PAPPA: variants seen among roughly 807,000 people sequenced by gnomAD.
PAPPA encodes pappalysin-1.
In PAPPA, 60 loss-of-function variants were observed where a neutral mutation model predicts 164.0. That is an observed-to-expected ratio of 0.37 (90% CI 0.30 to 0.45). The LOEUF is 0.45. Ranked by LOEUF, PAPPA falls within the 20% of genes least tolerant of loss-of-function variation. The pLI is 1.00. For synonymous variants in PAPPA, 875 were observed against 814.1 expected (o/e 1.07, Z -1.27); for missense variants, 1,782 against 2,087.3 (o/e 0.85, Z 2.85).
chr9:116,216,823 C>T (rs1844378585), intron 4 of PAPPA, among the ~76,000 whole-genome samples: 1 of 152,104 alleles, frequency 6.6e-6, no homozygotes, highest in South Asian at 2.1e-4. Flanking sequence ...CTCACTGCAA[C>T]TTCTGCCTCC....
rs1288157400 is a variant in PAPPA, at chr9:116,396,094, A to T, written c.4777-415A>T. 2.0e-5 allele frequency among the ~76,000 whole-genome samples: 3 copies of T among 152,330 alleles called. 1 individual carries two copies. Among genetic ancestry groups the T allele is most frequent in the Admixed American group, 2.0e-4 (3 of 15,306 alleles). On this transcript the variant is annotated intron_variant, in intron 21 of 21. Coordinates refer to ENST00000328252, the MANE Select transcript of PAPPA (RefSeq NM_002581.5). ...CTACATAGGGACCTGAGGCTCTGAG[A>T]TAAGTAAGTAGCTTGTTTTACTTTA...
chr9:116,257,788 C>G (rs1369081026), intron 7 of PAPPA, among the ~76,000 whole-genome samples: 1 of 151,916 alleles, frequency 6.6e-6, no homozygotes, highest in Admixed American at 6.6e-5. Context: ...AGAAAAATTA[C>G]TAAGAATCAA....
chr9:116,316,755 G>C (rs1205761875), intron 10 of PAPPA, among the ~76,000 whole-genome samples: 1 of 152,244 alleles, frequency 6.6e-6, no homozygotes. Context: ...AGTGACTGCT[G>C]TCCACCTGTT....
intron 19 of PAPPA, among the ~76,000 whole-genome samples, chr9:116,369,428 A>T (rs909564462): frequency 6.6e-6 from 1 of 152,206 alleles, no homozygotes; most frequent in African/African-American, 2.4e-5. Context: ...TGGTCCACAC[A>T]GGCAGCACAA....
At chr9:116,267,516 C>T (rs1423369935) in intron 8 of PAPPA, among the ~76,000 whole-genome samples, 1 of 152,186 alleles carries the variant, frequency 6.6e-6, no homozygotes, top group Non-Finnish European at 1.5e-5. Context: ...TTCCTCTTTG[C>T]TCCCCACTCC....
At chr9:116,291,340 G>GA (rs550146121) in intron 9 of PAPPA, among the ~76,000 whole-genome samples, 2 of 151,764 alleles carry the variant, frequency 1.3e-5, no homozygotes, top group South Asian at 2.1e-4. Flanking sequence ...TGTCTCATAG[G>GA]AAAAAAAATA....
intron 17 of PAPPA, among the ~76,000 whole-genome samples, chr9:116,356,828 T>C (rs1846360523): frequency 6.6e-6 from 1 of 152,218 alleles, no homozygotes; most frequent in Non-Finnish European, 1.5e-5. Context: ...AGGATTGTCT[T>C]GGCTATATGG....
chr9:116,347,156 C>T lies in PAPPA; in HGVS notation c.3911C>T (p.Thr1304Ile), dbSNP rs769649101. ...YAASFSCPEG[T>I]TFGSQCSFQC... is the part of the protein sequence containing the mutation. ...GCCTCCTTCTCCTGCCCTGAGGGCACCACCTTTGGCAGTCAATGTTCCTTC... is the reference window on the plus strand; with the variant it reads ...GCCTCCTTCTCCTGCCCTGAGGGCATCACCTTTGGCAGTCAATGTTCCTTC... The change falls in exon 15 of 22, where the codon ACC becomes ATC. Residue 1304 changes from threonine to isoleucine, a missense_variant. Thr to Ile is a moderately conservative substitution (Grantham distance 89). Coordinates refer to ENST00000328252, the MANE Select transcript of PAPPA (RefSeq NM_002581.5). The surrounding 1 kb of genome is among the most constrained non-coding windows in gnomAD (Gnocchi z 4.5). 6.2e-7 allele frequency: 1 copy of T among 1,614,074 alleles called. No homozygotes were observed.
chr9:116,377,534 C>T, intron 19 of PAPPA, 42 bp from the exon 20 acceptor site: 1 of 1,467,044 alleles, frequency 6.8e-7, no homozygotes, highest in Non-Finnish European at 9.6e-7. Context: ...GGGTCCCTCC[C>T]AATCCCAAGC....
chr9:116,166,751 A>G (rs1843723940), intron 1 of PAPPA, among the ~76,000 whole-genome samples: 2 of 152,206 alleles, frequency 1.3e-5, no homozygotes. Flanking sequence ...ACCAATTGCT[A>G]ATGGGTGATG....
At chr9:116,282,563 AG>A (rs1388217641) in intron 9 of PAPPA, among the ~76,000 whole-genome samples, 3 of 152,216 alleles carry the variant, frequency 2.0e-5, no homozygotes, top group African/African-American at 7.2e-5. Flanking sequence ...TAATGCTATG[AG>A]GTAGTTTTAA....
chr9:116,341,512 T>C (rs933661287), intron 13 of PAPPA, among the ~76,000 whole-genome samples: 2 of 152,230 alleles, frequency 1.3e-5, no homozygotes, highest in African/African-American at 4.8e-5. Flanking sequence ...CCCTTCCTCA[T>C]GGATCCTTCT....
intron 9 of PAPPA, among the ~76,000 whole-genome samples, chr9:116,285,171 C>CTTTTTTTTTTTTT: frequency 3.8e-4 from 34 of 89,482 alleles, no homozygotes; most frequent in African/African-American, 5.4e-4. Flanking sequence ...TTCTTTCTTT[C>CTTTTTTTTTTTTT]TTTTTTTTTT....
Position 116,235,133 on chromosome 9 carries a change from G to C in PAPPA, c.2234-6G>C, listed in dbSNP as rs1338041493. On this transcript the variant is annotated splice_region_variant and splice_polypyrimidine_tract_variant and intron_variant, in intron 6 of 21. Coordinates refer to ENST00000328252, the MANE Select transcript of PAPPA (RefSeq NM_002581.5). ...AAGAACTCATTCCCTCATCTCTTCT[G>C]CATAGGTCATCCTGATGTTGAACAG... 1 of 1,614,060 alleles carries C rather than the reference G, an allele frequency of 6.2e-7. No individual in the cohort carries two copies. Among genetic ancestry groups the C allele is most frequent in the South Asian group, 1.1e-5 (1 of 91,070 alleles).
intron 7 of PAPPA, among the ~76,000 whole-genome samples, chr9:116,250,875 A>T (rs1844852604): frequency 6.6e-6 from 1 of 152,170 alleles, no homozygotes; most frequent in Non-Finnish European, 1.5e-5. Context: ...CATTGGCCAG[A>T]CCTTGGGACT....
chr9:116,344,818 C>T (rs199729954), intron 14 of PAPPA, 107 bp downstream of exon 14: 2 of 884,474 alleles, frequency 2.3e-6, no homozygotes, highest in Non-Finnish European at 3.5e-6. Flanking sequence ...AATAGTGCTG[C>T]CACATAGTAG....
At chr9:116,289,325 G>GGCATATATATGCCATATATATGC (rs1845400136) in intron 9 of PAPPA, among the ~76,000 whole-genome samples, 4 of 70,346 alleles carry the variant, frequency 5.7e-5, no homozygotes, top group African/African-American at 2.0e-4. Context: ...CATATATATG[G>GGCATATATATGCCATATATATGC]CATATATATA....
chr9:116,174,202 C>T (rs868030870), intron 1 of PAPPA, among the ~76,000 whole-genome samples: 1 of 152,194 alleles, frequency 6.6e-6, no homozygotes, highest in Admixed American at 6.5e-5. Flanking sequence ...CATCAGCTGT[C>T]ATTGCCCTCC....
intron 9 of PAPPA, among the ~76,000 whole-genome samples, chr9:116,302,497 G>T (rs1795834891): frequency 6.6e-6 from 1 of 151,958 alleles, no homozygotes; most frequent in African/African-American, 2.4e-5. Context: ...TTCTGTGACT[G>T]GATTATTTCC....
Sources: gnomAD v4.1 joint callset for allele counts (sites outside exome capture counted in the v4.1 genomes callset) on GRCh38, gnomAD v4.1.1 for gene constraint, Gnocchi (gnomAD v3.1) non-coding constraint, MANE v1.5 for transcripts, NCBI Gene and HGNC (gene_info 2026-07-23, HGNC 2026-07-21) for gene names.